NSMAF: variants seen among roughly 807,000 people sequenced by gnomAD.
NSMAF encodes protein FAN.
A neutral mutation model predicts 134.9 loss-of-function variants in NSMAF; 90 were observed. The ratio of observed to expected loss-of-function variants is 0.67; its 90% CI spans 0.56 to 0.79. The LOEUF (loss-of-function observed/expected upper bound fraction) is 0.79, where lower values mean the gene tolerates loss of function less well. Ranked by LOEUF, NSMAF falls within the 30% of genes least tolerant of loss-of-function variation. NSMAF has a pLI of 0.00. For synonymous variants in NSMAF, 358 were observed against 389.6 expected (o/e 0.92, Z 0.96); for missense variants, 1,010 against 1,119.0 (o/e 0.90, Z 1.39).
intron 1 of NSMAF, among the ~76,000 whole-genome samples, chr8:58,643,791 A>G (rs1369835970): frequency 6.6e-6 from 1 of 152,168 alleles, no homozygotes; most frequent in Non-Finnish European, 1.5e-5. Context: ...TCGGCCTCCC[A>G]AAGTGCTGGG....
chr8:58,595,520 A>G, intron 22 of NSMAF, 40 bp downstream of exon 22: 1 of 1,431,764 alleles, frequency 7.0e-7, no homozygotes, highest in Non-Finnish European at 9.9e-7. Flanking sequence ...AACTTTTACC[A>G]GGACTATCAG....
chr8:58,589,200 T>C (rs1488668356), intron 26 of NSMAF, among the ~76,000 whole-genome samples: 1 of 147,530 alleles, frequency 6.8e-6, no homozygotes, highest in Non-Finnish European at 1.5e-5. Context: ...ATATAACAGA[T>C]ATTATATTTT....
chr8:58,606,839 T>G (rs191109348), intron 11 of NSMAF, among the ~76,000 whole-genome samples: 145 of 152,324 alleles, frequency 9.5e-4, no homozygotes, highest in African/African-American at 3.3e-3. Context: ...CAATACTATC[T>G]ACTTCACAAG....
intron 1 of NSMAF, among the ~76,000 whole-genome samples, chr8:58,656,204 A>G (rs1807706739): frequency 6.6e-6 from 1 of 151,768 alleles, no homozygotes; most frequent in South Asian, 2.1e-4. Context: ...TTTTTATTAG[A>G]GATTGGCCAG....
intron 14 of NSMAF, 93 bp downstream of exon 14, chr8:58,601,965 C>T (rs1695257295): frequency 5.2e-6 from 5 of 966,130 alleles, no homozygotes; most frequent in African/African-American, 1.7e-5. Context: ...GTATAATTCC[C>T]CTAAGCCTTG....
intron 1 of NSMAF, chr8:58,659,047 G>T: frequency 1.5e-6 from 1 of 659,652 alleles, no homozygotes; most frequent in Non-Finnish European, 2.4e-6. Context: ...AAAGGAGTCG[G>T]CAGGAAAAAG....
chr8:58,584,169 C>G lies in NSMAF; in HGVS notation c.2691G>C (p.Gln897His). Residue 897 changes from glutamine (Q) to histidine (H), a missense_variant, in exon 31 of 31, where the codon CAG becomes CAC. Coordinates refer to ENST00000038176, the MANE Select transcript of NSMAF (RefSeq NM_003580.4). The stretch of plus-strand genomic sequence containing the variant: ...CCCCTCCTGTGATGATACTGCTACA[C>G]TGTTCATTCATCCATATACATGTCA... ...GAVTCIWMNE[Q>H]CSSIITGGED... is the part of the protein sequence containing the mutation. 6.2e-7 allele frequency: 1 copy of G among 1,613,822 alleles called. No individual in the cohort carries two copies. Among genetic ancestry groups the G allele is most frequent in the Non-Finnish European group, 8.5e-7 (1 of 1,179,750 alleles).
chr8:58,655,702 T>C (rs1807690003), intron 1 of NSMAF, among the ~76,000 whole-genome samples: 1 of 151,924 alleles, frequency 6.6e-6, no homozygotes, highest in Non-Finnish European at 1.5e-5. Context: ...GGACAGGAGA[T>C]CGAGACCATC....
At chr8:58,656,027 T>G (rs1165425405) in intron 1 of NSMAF, among the ~76,000 whole-genome samples, 1 of 151,716 alleles carries the variant, frequency 6.6e-6, no homozygotes, top group Non-Finnish European at 1.5e-5. Context: ...TTTTTTTTGT[T>G]TGTTTGTTTG....
At chr8:58,657,037 T>A (rs1807731142) in intron 1 of NSMAF, among the ~76,000 whole-genome samples, 1 of 152,202 alleles carries the variant, frequency 6.6e-6, no homozygotes, top group African/African-American at 2.4e-5. Context: ...TAATCCTAGC[T>A]GGAATTCTTC....
intron 9 of NSMAF, among the ~76,000 whole-genome samples, chr8:58,610,089 C>A (rs1013228707): frequency 1.3e-5 from 2 of 152,132 alleles, no homozygotes; most frequent in African/African-American, 4.8e-5. Flanking sequence ...TTTTTATCAT[C>A]CTATAAACCA....
intron 9 of NSMAF, among the ~76,000 whole-genome samples, chr8:58,611,602 G>A (rs185743863): frequency 1.6e-3 from 242 of 152,106 alleles, no homozygotes; most frequent in African/African-American, 4.3e-3. Context: ...AGAACCAAAC[G>A]GAAATATAGG....
intron 1 of NSMAF, among the ~76,000 whole-genome samples, chr8:58,655,788 T>A (rs866798788): frequency 6.6e-6 from 1 of 151,588 alleles, no homozygotes; most frequent in South Asian, 2.1e-4. Flanking sequence ...CCGCCTGTAG[T>A]CCCAGCTACT....
chr8:58,599,406 T>A, intron 18 of NSMAF, 43 bp from the exon 19 acceptor site: 1 of 1,602,506 alleles, frequency 6.2e-7, no homozygotes, highest in South Asian at 1.1e-5. Flanking sequence ...AGTCTTCATT[T>A]TTTTCCTCCC....
chr8:58,619,763 A>AT (rs973466500), intron 9 of NSMAF, among the ~76,000 whole-genome samples: 5 of 152,196 alleles, frequency 3.3e-5, no homozygotes, highest in Admixed American at 3.3e-4. Context: ...CATAAGGAAT[A>AT]TATTAAAGGG....
intron 1 of NSMAF, chr8:58,659,066 ATGCG>A: frequency 2.8e-6 from 2 of 719,512 alleles, no homozygotes; most frequent in Non-Finnish European, 4.2e-6. Context: ...AGGCGCGGCA[ATGCG>A]AGTGGGTGGT....
intron 28 of NSMAF, 117 bp from the exon 29 acceptor site, chr8:58,586,117 C>T (rs1805879600): frequency 1.2e-6 from 1 of 830,026 alleles, no homozygotes; most frequent in African/African-American, 1.7e-5. Context: ...TCTTCAAAAT[C>T]CTTGTACTTA....
intron 1 of NSMAF, 60 bp downstream of exon 1, chr8:58,659,513 G>T (rs879209701): frequency 6.6e-7 from 1 of 1,505,900 alleles, no homozygotes; most frequent in Non-Finnish European, 8.9e-7. Context: ...TCCGGCCGGC[G>T]TCCCCACGAC....
chr8:58,585,832 G>A, intron 29 of NSMAF, 66 bp downstream of exon 29: 1 of 1,578,756 alleles, frequency 6.3e-7, no homozygotes, highest in Non-Finnish European at 8.7e-7. Flanking sequence ...GCCAATGTAA[G>A]CCCAAATGAA....
Sources: gnomAD v4.1 joint callset for allele counts (sites outside exome capture counted in the v4.1 genomes callset) on GRCh38, gnomAD v4.1.1 for gene constraint, MANE v1.5 for transcripts, NCBI Gene and HGNC (gene_info 2026-07-23, HGNC 2026-07-21) for gene names.